Variants in PTPRN2 observed in about 807,000 individuals in gnomAD.
PTPRN2 encodes the protein protein tyrosine phosphatase receptor type N2.
In PTPRN2, 74 loss-of-function variants were observed where a neutral mutation model predicts 118.8. The ratio of observed to expected loss-of-function variants is 0.62; its 90% CI spans 0.52 to 0.76. The LOEUF is 0.76. Among genes scored for constraint, PTPRN2 ranks in the 30% least tolerant of loss-of-function variants. PTPRN2 has a pLI of 0.00. For synonymous variants in PTPRN2, 641 were observed against 608.0 expected (o/e 1.05, Z -0.80); for missense variants, 1,481 against 1,394.4 (o/e 1.06, Z -0.99).
chr7:158,469,124 A>ACACACACTCCG (rs1445461216), intron 2 of PTPRN2, among the ~76,000 whole-genome samples: 1 of 80,354 alleles, frequency 1.2e-5, no homozygotes, highest in South Asian at 3.8e-4. Flanking sequence ...CAACAGTGTC[A>ACACACACTCCG]GGCTTTCAGA....
At chr7:157,689,015 C>T (rs1158417682) in intron 12 of PTPRN2, among the ~76,000 whole-genome samples, 1 of 152,216 alleles carries the variant, frequency 6.6e-6, no homozygotes, top group Non-Finnish European at 1.5e-5. Context: ...AGCGCGCCGG[C>T]CGCGAGGGAG....
chr7:158,471,362 C>G (rs550067625), intron 2 of PTPRN2, among the ~76,000 whole-genome samples: 55 of 152,194 alleles, frequency 3.6e-4, no homozygotes, highest in African/African-American at 1.1e-3. Context: ...TCTCCAGTCT[C>G]TGGGATTTCT....
At chr7:158,062,283 T>A (rs1487534817) in intron 11 of PTPRN2, among the ~76,000 whole-genome samples, 1 of 152,234 alleles carries the variant, frequency 6.6e-6, no homozygotes, top group Non-Finnish European at 1.5e-5. Flanking sequence ...TGAAACTCAG[T>A]CCTGTGGACA....
chr7:158,214,867 A>ACC (rs915348327), intron 3 of PTPRN2, among the ~76,000 whole-genome samples: 3 of 152,110 alleles, frequency 2.0e-5, no homozygotes, highest in African/African-American at 7.2e-5. Context: ...ACCACCCCTT[A>ACC]CCCCCAGAAG....
chr7:157,765,878 C>CTCCA (rs544774112), intron 12 of PTPRN2, among the ~76,000 whole-genome samples: 14 of 132,974 alleles, frequency 1.1e-4, no homozygotes, highest in African/African-American at 3.1e-4. Flanking sequence ...TCCATCATTA[C>CTCCA]TCCATCCATC....
At chr7:158,288,654 A>T (rs2151016390) in intron 3 of PTPRN2, among the ~76,000 whole-genome samples, 1 of 152,326 alleles carries the variant, frequency 6.6e-6, no homozygotes. Flanking sequence ...GAAATTTCAT[A>T]GCTATCACTG....
chr7:157,781,170 C>T (rs1422992493), intron 12 of PTPRN2, among the ~76,000 whole-genome samples: 1 of 152,234 alleles, frequency 6.6e-6, no homozygotes, highest in Non-Finnish European at 1.5e-5. Context: ...CCTGACCCCA[C>T]AGCACCAGGC....
chr7:158,315,135 G>A, intron 3 of PTPRN2, among the ~76,000 whole-genome samples: 1 of 84,150 alleles, frequency 1.2e-5, no homozygotes, highest in South Asian at 6.4e-4. Context: ...AAGGACAGAG[G>A]TGAACCCGGG....
chr7:157,960,010 G>A (rs963480396), intron 11 of PTPRN2, among the ~76,000 whole-genome samples: 2 of 152,158 alleles, frequency 1.3e-5, no homozygotes, highest in Non-Finnish European at 2.9e-5. Flanking sequence ...TAAAAGTGAA[G>A]GACATTCATC....
chr7:158,310,285 G>C (rs1292900404), intron 3 of PTPRN2, among the ~76,000 whole-genome samples: 1 of 152,218 alleles, frequency 6.6e-6, no homozygotes, highest in African/African-American at 2.4e-5. Context: ...AAGTGCTTGT[G>C]TTGAGAGATC....
In PTPRN2 at chr7:157,585,525, G is replaced by A. The variant is rs1039915568; in HGVS notation, c.2497-7385C>T. ...ACCCGGCCTTTGTGTGACCACCGTGGGTGCCTTTGTGATCAGGCATTGGAC... is the reference window on the plus strand; with the variant it reads ...ACCCGGCCTTTGTGTGACCACCGTGAGTGCCTTTGTGATCAGGCATTGGAC... On this transcript the variant is annotated intron_variant, in intron 17 of 22. Coordinates refer to ENST00000389418, the MANE Select transcript of PTPRN2 (RefSeq NM_002847.5). This position sits in a 1 kb window ranked among gnomAD's most constrained non-coding sequence, Gnocchi z 5.2. Among the ~76,000 whole-genome samples the A allele has an allele frequency of 6.6e-6, 1 of 152,166 alleles. No homozygotes were observed. Among genetic ancestry groups the A allele is most frequent in the African/African-American group, 2.4e-5 (1 of 41,440 alleles).
At chr7:158,217,833 A>C (rs1828057596) in intron 3 of PTPRN2, among the ~76,000 whole-genome samples, 1 of 152,238 alleles carries the variant, frequency 6.6e-6, no homozygotes, top group Non-Finnish European at 1.5e-5. Context: ...CCAAGCTGAG[A>C]GAAGAATTTT....
intron 12 of PTPRN2, among the ~76,000 whole-genome samples, chr7:157,739,767 T>G (rs1800513797): frequency 2.0e-5 from 3 of 152,254 alleles, no homozygotes; most frequent in Admixed American, 2.0e-4. Flanking sequence ...ACTGTGTTTT[T>G]GGGACACTCC....
intron 15 of PTPRN2, among the ~76,000 whole-genome samples, chr7:157,613,010 C>T (rs1281809957): frequency 6.6e-6 from 1 of 152,184 alleles, no homozygotes; most frequent in African/African-American, 2.4e-5. Flanking sequence ...AGGGAGAGTC[C>T]CTGAGGAGGG....
intron 17 of PTPRN2, among the ~76,000 whole-genome samples, chr7:157,579,904 C>A (rs574478969): frequency 6.6e-6 from 1 of 152,214 alleles, no homozygotes; most frequent in South Asian, 2.1e-4. Context: ...TCCTTTGAAT[C>A]GGTACAAAGC....
intron 2 of PTPRN2, among the ~76,000 whole-genome samples, chr7:158,408,657 T>A (rs1457368273): frequency 6.6e-6 from 1 of 152,196 alleles, no homozygotes; most frequent in East Asian, 1.9e-4. Flanking sequence ...AATTGCATAA[T>A]ATAAATAAGG....
At chr7:157,614,309 G>A (rs534635163) in intron 15 of PTPRN2, among the ~76,000 whole-genome samples, 3 of 152,078 alleles carry the variant, frequency 2.0e-5, no homozygotes, top group Non-Finnish European at 4.4e-5. Context: ...GTTCTGGAAG[G>A]GGGCAGGTGA....
chr7:158,203,532 G>C (rs1826835403), intron 4 of PTPRN2, among the ~76,000 whole-genome samples: 1 of 152,074 alleles, frequency 6.6e-6, no homozygotes, highest in Admixed American at 6.5e-5. Context: ...GTCCTCCCTG[G>C]ATTGTTCTCT....
At chr7:158,540,283 G>A (rs1395355316) in intron 1 of PTPRN2, among the ~76,000 whole-genome samples, 1 of 152,194 alleles carries the variant, frequency 6.6e-6, no homozygotes, top group East Asian at 1.9e-4. Context: ...AAGCGTATTA[G>A]GGTCTCCTGC....
Sources: allele counts gnomAD v4.1 joint callset (sites outside exome capture counted in the v4.1 genomes callset), GRCh38; gene constraint gnomAD v4.1.1; non-coding constraint Gnocchi (gnomAD v3.1); transcripts MANE v1.5; gene names NCBI Gene and HGNC (gene_info 2026-07-23, HGNC 2026-07-21).